RGS6: variants seen among roughly 807,000 people sequenced by gnomAD.
RGS6 encodes regulator of G-protein signaling 6.
In RGS6, 30 loss-of-function variants were observed where a neutral mutation model predicts 78.5. The observed-to-expected ratio is 0.38, with a 90% CI of 0.29 to 0.52. The LOEUF is 0.52. RGS6 is among the 20% of genes least tolerant of loss of function. The pLI is 0.85. For missense variants in RGS6, 495 were observed against 609.7 expected (o/e 0.81, Z 1.98); for synonymous variants, 206 against 206.0 (o/e 1.00, Z 0.00).
intron 8 of RGS6, among the ~76,000 whole-genome samples, chr14:72,472,377 T>C (rs2096107075): frequency 6.6e-6 from 1 of 152,176 alleles, no homozygotes; most frequent in Admixed American, 6.5e-5. Flanking sequence ...AAGTGACTTA[T>C]AAAACACATA....
chr14:71,955,303 G>C (rs2092699954), intron 1 of RGS6, among the ~76,000 whole-genome samples: 1 of 152,176 alleles, frequency 6.6e-6, no homozygotes, highest in Non-Finnish European at 1.5e-5. Flanking sequence ...TTAAGAGCAA[G>C]GATGGAATAA....
At chr14:72,196,499 C>G (rs1034506603) in intron 2 of RGS6, among the ~76,000 whole-genome samples, 1 of 152,272 alleles carries the variant, frequency 6.6e-6, no homozygotes, top group East Asian at 1.9e-4. Flanking sequence ...TATCACGTGA[C>G]ATGCCCCCTG....
the RGS6 span, among the ~76,000 whole-genome samples, chr14:72,618,986 G>A: frequency 2.6e-5 from 4 of 152,334 alleles, no homozygotes; most frequent in South Asian, 8.3e-4. Context: ...CTTAAAATGG[G>A]AACCAATGAG....
At chr14:72,548,991 A>G (rs1049032060) in intron 17 of RGS6, among the ~76,000 whole-genome samples, 4 of 152,218 alleles carry the variant, frequency 2.6e-5, no homozygotes, top group East Asian at 1.9e-4. Context: ...CTGGAATTCT[A>G]TGCTGCCCCA....
At chr14:71,955,543 C>A (rs962693478) in intron 1 of RGS6, among the ~76,000 whole-genome samples, 1 of 152,120 alleles carries the variant, frequency 6.6e-6, no homozygotes, top group Non-Finnish European at 1.5e-5. Context: ...ATATGCTAAA[C>A]AAGGGGTGGA....
intron 3 of RGS6, among the ~76,000 whole-genome samples, chr14:72,360,392 G>A (rs1268596660): frequency 1.3e-5 from 2 of 151,848 alleles, no homozygotes; most frequent in African/African-American, 4.8e-5. Context: ...TGTGGTGGCG[G>A]GCACCTGTAG....
intron 2 of RGS6, among the ~76,000 whole-genome samples, chr14:72,167,994 G>A (rs1445401668): frequency 6.6e-6 from 1 of 152,166 alleles, no homozygotes; most frequent in Non-Finnish European, 1.5e-5. Flanking sequence ...GGGAAGAGGG[G>A]CTGAGCAGTA....
chr14:72,398,699 A>C (rs996731076), intron 3 of RGS6, among the ~76,000 whole-genome samples: 19 of 152,068 alleles, frequency 1.2e-4, no homozygotes, highest in Non-Finnish European at 2.6e-4. Flanking sequence ...AGTGCTATAA[A>C]TTTCCCTCTA....
intron 2 of RGS6, among the ~76,000 whole-genome samples, chr14:72,115,313 TG>T (rs1371205206): frequency 6.6e-6 from 1 of 152,198 alleles, no homozygotes; most frequent in Non-Finnish European, 1.5e-5. Flanking sequence ...TCTCTGATGC[TG>T]GGACCTGAGG....
At chr14:72,199,564 A>C (rs1469447383) in intron 2 of RGS6, among the ~76,000 whole-genome samples, 1 of 152,198 alleles carries the variant, frequency 6.6e-6, no homozygotes, top group African/African-American at 2.4e-5. Flanking sequence ...CATGAGAGAT[A>C]ATTTAAGTGG....
At chr14:72,362,789 C>T (rs1024682006) in intron 3 of RGS6, among the ~76,000 whole-genome samples, 1 of 152,168 alleles carries the variant, frequency 6.6e-6, no homozygotes, top group African/African-American at 2.4e-5. Context: ...ACCAACTCCA[C>T]CTCCTGGTGT....
At chr14:72,446,516 T>C (rs1480178412) in intron 3 of RGS6, among the ~76,000 whole-genome samples, 2 of 152,216 alleles carry the variant, frequency 1.3e-5, no homozygotes, top group African/African-American at 4.8e-5. Context: ...GCTAGAGCTG[T>C]GTTCCCCAGC....
intron 14 of RGS6, among the ~76,000 whole-genome samples, chr14:72,512,549 A>G (rs1162468556): frequency 6.6e-6 from 1 of 152,204 alleles, no homozygotes; most frequent in East Asian, 1.9e-4. Context: ...TTCATGTGCC[A>G]GAGCCTAAGC....
At chr14:71,946,380 C>A (rs763819594) in intron 1 of RGS6, among the ~76,000 whole-genome samples, 1 of 152,124 alleles carries the variant, frequency 6.6e-6, no homozygotes, top group African/African-American at 2.4e-5. Flanking sequence ...CGGGATGTTC[C>A]GTACCCCAGG....
chr14:72,037,153 T>C (rs985413710), intron 2 of RGS6, among the ~76,000 whole-genome samples: 1 of 152,090 alleles, frequency 6.6e-6, no homozygotes, highest in Non-Finnish European at 1.5e-5. Context: ...AGCTAAAGGA[T>C]TGTAAATGCA....
chr14:71,990,865 C>A (rs932585163), intron 2 of RGS6: 1 of 455,990 alleles, frequency 2.2e-6, no homozygotes, highest in East Asian at 7.0e-5. Flanking sequence ...TCTTGCCCTG[C>A]CAAAACTGTT....
chr14:72,427,387 C>CT (rs935269244), intron 3 of RGS6, among the ~76,000 whole-genome samples: 2 of 152,178 alleles, frequency 1.3e-5, no homozygotes, highest in Non-Finnish European at 2.9e-5. Context: ...TAGGTATCCA[C>CT]TGGGAGTCTT....
chr14:72,286,800 T>C (rs2062644314), intron 2 of RGS6, among the ~76,000 whole-genome samples: 1 of 149,662 alleles, frequency 6.7e-6, no homozygotes, highest in South Asian at 2.3e-4. Context: ...CCCCTCCCCT[T>C]CCCTCCCTTC....
intron 9 of RGS6, among the ~76,000 whole-genome samples, chr14:72,473,500 A>G (rs1349304555): frequency 1.3e-5 from 2 of 152,196 alleles, no homozygotes; most frequent in African/African-American, 4.8e-5. Context: ...TGGAGAAGCT[A>G]TGGGAATTCC....
Sources: gnomAD v4.1 joint callset for allele counts (sites outside exome capture counted in the v4.1 genomes callset) on GRCh38, gnomAD v4.1.1 for gene constraint, MANE v1.5 for transcripts, NCBI Gene and HGNC (gene_info 2026-07-23, HGNC 2026-07-21) for gene names.